Variants in SUPT3H observed in about 807,000 individuals in gnomAD.
The protein encoded by SUPT3H is SPT3 homolog, SAGA and STAGA complex component, also known as transcription initiation protein SPT3 homolog.
A neutral mutation model predicts 44.3 loss-of-function variants in SUPT3H; 44 were observed. The observed-to-expected ratio is 0.99, with a 90% CI of 0.78 to 1.28. SUPT3H has a LOEUF of 1.28. Ranked by LOEUF, SUPT3H falls within the 50% of genes most tolerant of loss-of-function variation. The probability of loss-of-function intolerance (pLI) is 0.00; values close to 1 mark genes in which losing one functional copy is unlikely to be tolerated. For missense variants in SUPT3H, 380 were observed against 387.1 expected, an observed-to-expected ratio of 0.98 and a Z score of 0.15; for synonymous variants, 124 against 125.6, an observed-to-expected ratio of 0.99 and a Z score of 0.09.
intron 2 of SUPT3H, among the ~76,000 whole-genome samples, chr6:45,158,298 A>T (rs1285032): frequency 0.57 from 56,742 of 99,532 alleles, 16,720 homozygotes; most frequent in East Asian, 0.74. Flanking sequence ...ATATATATAT[A>T]TTTTTTTTTT....
At chr6:45,192,925 G>A (rs1562657479) in intron 2 of SUPT3H, among the ~76,000 whole-genome samples, 2 of 152,050 alleles carry the variant, frequency 1.3e-5, no homozygotes, top group East Asian at 1.9e-4. Flanking sequence ...AAATGTATCC[G>A]ACTCTTTTGC....
intron 2 of SUPT3H, among the ~76,000 whole-genome samples, chr6:45,337,434 C>A (rs1383781726): frequency 2.6e-5 from 4 of 151,640 alleles, no homozygotes; most frequent in Non-Finnish European, 5.9e-5. Context: ...TCAATATATA[C>A]AAGGGTTACT....
At chr6:45,200,755 GA>G (rs1336140088) in intron 2 of SUPT3H, among the ~76,000 whole-genome samples, 1 of 150,976 alleles carries the variant, frequency 6.6e-6, no homozygotes, top group East Asian at 1.9e-4. Flanking sequence ...TGTAATATAA[GA>G]TTTTTTTTTA....
In SUPT3H at chr6:44,947,258, C is replaced by T. The variant is rs1773496333; in HGVS notation, c.801+6052G>A. Among the ~76,000 whole-genome samples, 4 of 152,134 alleles carry T rather than the reference C, an allele frequency of 2.6e-5. No homozygotes were observed. In the South Asian group the frequency reaches 8.3e-4, roughly 32 times the overall value. On this transcript the variant is annotated intron_variant, in intron 9 of 10. Coordinates refer to ENST00000371459, the MANE Select transcript of SUPT3H (RefSeq NM_003599.4). Reference sequence around the variant, plus strand: ...TCACTTCAATATGGTGGTGTGGAAACAAACCTGCAATATCTCTGAAGTATG... The same window carrying T: ...TCACTTCAATATGGTGGTGTGGAAATAAACCTGCAATATCTCTGAAGTATG...
At chr6:45,010,431 T>C (rs1783316600) in intron 5 of SUPT3H, among the ~76,000 whole-genome samples, 1 of 152,150 alleles carries the variant, frequency 6.6e-6, no homozygotes, top group Admixed American at 6.6e-5. Context: ...AGGGAAAGCA[T>C]ACAGTCTTTT....
chr6:44,853,643 C>T (rs1773267905), intron 10 of SUPT3H, among the ~76,000 whole-genome samples: 1 of 151,984 alleles, frequency 6.6e-6, no homozygotes, highest in Non-Finnish European at 1.5e-5. Context: ...CATACATATG[C>T]ATGAGTGTTT....
intron 9 of SUPT3H, among the ~76,000 whole-genome samples, chr6:44,940,842 T>G (rs924286896): frequency 9.9e-5 from 15 of 152,138 alleles, no homozygotes; most frequent in Non-Finnish European, 1.8e-4. Context: ...TTCCTGTTTT[T>G]GATACAAAGT....
chr6:44,913,328 G>A (rs904872228), intron 10 of SUPT3H, among the ~76,000 whole-genome samples: 5 of 151,988 alleles, frequency 3.3e-5, no homozygotes, highest in African/African-American at 1.2e-4. Flanking sequence ...CTTTTATTTG[G>A]CATAATTAAA....
intron 10 of SUPT3H, among the ~76,000 whole-genome samples, chr6:44,930,575 A>G (rs1040321969): frequency 2.6e-5 from 4 of 151,332 alleles, no homozygotes; most frequent in African/African-American, 7.3e-5. Context: ...AAAAAAAAAA[A>G]AAAAAAAAAA....
intron 6 of SUPT3H, among the ~76,000 whole-genome samples, chr6:44,986,702 C>T (rs2153493848): frequency 6.6e-6 from 1 of 152,094 alleles, no homozygotes; most frequent in Admixed American, 6.6e-5. Context: ...AAGATATTTT[C>T]ATTATTTGTT....
chr6:45,081,076 T>C (rs751324806), intron 3 of SUPT3H, among the ~76,000 whole-genome samples: 16 of 151,826 alleles, frequency 1.1e-4, no homozygotes, highest in Admixed American at 3.3e-4. Flanking sequence ...CATATATATA[T>C]ACAACTATGT....
At chr6:44,951,007 ACT>A (rs1774222789) in intron 9 of SUPT3H, among the ~76,000 whole-genome samples, 1 of 151,888 alleles carries the variant, frequency 6.6e-6, no homozygotes, top group African/African-American at 2.4e-5. Context: ...GCAGTCTAAG[ACT>A]CTATATAATC....
chr6:45,288,454 T>A (rs1191365695), intron 2 of SUPT3H, among the ~76,000 whole-genome samples: 9 of 151,036 alleles, frequency 6.0e-5, no homozygotes, highest in African/African-American at 2.2e-4. Context: ...GATGGCAAAA[T>A]TATTATAAAT....
chr6:45,226,772 G>A (rs868466452), intron 2 of SUPT3H, among the ~76,000 whole-genome samples: 49 of 152,006 alleles, frequency 3.2e-4, no homozygotes, highest in South Asian at 3.1e-3. Context: ...CTCATGATCC[G>A]CCCGCCCTGC....
chr6:45,351,012 C>T (rs977885630), intron 2 of SUPT3H, among the ~76,000 whole-genome samples: 1 of 152,054 alleles, frequency 6.6e-6, no homozygotes, highest in Non-Finnish European at 1.5e-5. Flanking sequence ...CTAAGTTCTG[C>T]GCTCCTTATG....
At chr6:45,195,587 A>T (rs565500367) in intron 2 of SUPT3H, among the ~76,000 whole-genome samples, 1 of 152,182 alleles carries the variant, frequency 6.6e-6, no homozygotes, top group African/African-American at 2.4e-5. Context: ...AAAGTCTGTC[A>T]TATCAAATTA....
chr6:45,299,630 T>C (rs1781827442), intron 2 of SUPT3H, among the ~76,000 whole-genome samples: 1 of 151,736 alleles, frequency 6.6e-6, no homozygotes. Flanking sequence ...CAAATTTTAA[T>C]GGTAGCTAAA....
intron 10 of SUPT3H, among the ~76,000 whole-genome samples, chr6:44,883,491 T>C (rs1778607488): frequency 6.6e-6 from 1 of 152,204 alleles, no homozygotes; most frequent in Non-Finnish European, 1.5e-5. Context: ...CCAATCAAGC[T>C]ACCATTGACT....
intron 3 of SUPT3H, among the ~76,000 whole-genome samples, chr6:45,086,990 C>T (rs927872872): frequency 6.6e-6 from 1 of 151,724 alleles, no homozygotes; most frequent in African/African-American, 2.4e-5. Context: ...TTACATAATT[C>T]GGTTAACAAG....
Sources: allele counts gnomAD v4.1 joint callset (sites outside exome capture counted in the v4.1 genomes callset), GRCh38; gene constraint gnomAD v4.1.1; transcripts MANE v1.5; gene names NCBI Gene and HGNC (gene_info 2026-07-23, HGNC 2026-07-21).